Variants in DMRT1 observed in about 807,000 individuals in gnomAD.
DMRT1 encodes doublesex and mab-3 related transcription factor 1.
DMRT1 carries 7 observed loss-of-function variants against 32.3 expected under a neutral mutation model. The observed-to-expected ratio is 0.22, with a 90% confidence interval of 0.12 to 0.41. The LOEUF is 0.41. Among genes scored for constraint, DMRT1 ranks in the 10% least tolerant of loss-of-function variants. The pLI is 1.00. For missense variants in DMRT1, 625 were observed against 500.5 expected (o/e 1.25, Z -2.37); for synonymous variants, 278 against 206.1 (o/e 1.35, Z -2.99).
chr9:860,308 A>C (rs978501680), intron 2 of DMRT1, among the ~76,000 whole-genome samples: 3 of 152,230 alleles, frequency 2.0e-5, no homozygotes, highest in Admixed American at 1.3e-4. Context: ...AAAAAAATTA[A>C]ATACATAAAA....
intron 4 of DMRT1, among the ~76,000 whole-genome samples, chr9:967,405 A>G (rs1045995863): frequency 6.6e-5 from 10 of 152,038 alleles, no homozygotes; most frequent in African/African-American, 2.4e-4. Flanking sequence ...TGTTTTTACA[A>G]TTTTTCTCTC....
In DMRT1 at chr9:934,749, C is replaced by G. The variant is rs141240511; in HGVS notation, c.967+17842C>G. 9.2e-5 allele frequency among the ~76,000 whole-genome samples: 14 copies of G among 152,310 alleles called. No individual in the cohort carries two copies. The East Asian group carries it at 2.5e-3, about 27-fold the overall frequency. ...CCGGCACTATTTGTTAAACACTCTC[C>G]TTTCCTCCATTAAATGGTCTTGGTG... On this transcript the variant is annotated intron_variant, in intron 4 of 4. Coordinates refer to ENST00000382276, the MANE Select transcript of DMRT1 (RefSeq NM_021951.3).
rs376260302 is a variant in DMRT1 at position 934,941 on chromosome 9, C to T, written c.967+18034C>T. Among the ~76,000 whole-genome samples the T allele has an allele frequency of 6.6e-5, 10 of 152,254 alleles. 1 individual carries two copies. The highest frequency in any genetic ancestry group is 2.4e-4 in the African/African-American group (10 of 41,554). ...TTGATCTCTCTGGTGAATATTTTCT[C>T]GGTTATCTTACTTTTGTTTGTCTCT... On this transcript the variant is annotated intron_variant, in intron 4 of 4. Transcript: ENST00000382276.
intron 4 of DMRT1, among the ~76,000 whole-genome samples, chr9:962,547 G>A: frequency 6.6e-6 from 1 of 151,320 alleles, no homozygotes; most frequent in Non-Finnish European, 1.5e-5. Flanking sequence ...GGAGGGCTTG[G>A]GTGGGGTGGG....
intron 4 of DMRT1, among the ~76,000 whole-genome samples, chr9:919,698 G>C (rs1039041381): frequency 6.6e-6 from 1 of 152,154 alleles, no homozygotes; most frequent in African/African-American, 2.4e-5. Flanking sequence ...CCTGATGACT[G>C]TTTTCTTATA....
At chr9:963,418 CT>C (rs5895881) in intron 4 of DMRT1, among the ~76,000 whole-genome samples, 105,352 of 151,916 alleles carry the variant, frequency 0.69, 36,670 homozygotes, top group Middle Eastern at 0.76. Context: ...ACGATCATTA[CT>C]TTTTTTTTAG....
In DMRT1 at chr9:867,193, GA is replaced by G. The variant is rs909692639; in HGVS notation, c.538+20058del. On this transcript the variant is annotated intron_variant, in intron 2 of 4. Transcript: ENST00000382276. ...GAGCAGGGGGAAATTGGGTAGGACT[GA>G]AAAAAAACAAAGCATAATAAGGGTG... Among the ~76,000 whole-genome samples the G allele has an allele frequency of 5.9e-5, 9 of 151,654 alleles. No individual in the cohort carries two copies. In the South Asian group the frequency reaches 1.0e-3, roughly 18 times the overall value.
At chr9:849,250 G>A (rs192231366) in intron 2 of DMRT1, among the ~76,000 whole-genome samples, 3 of 152,304 alleles carry the variant, frequency 2.0e-5, no homozygotes, top group Admixed American at 2.0e-4. Context: ...ACTGGGACCA[G>A]TTGCCATGTT....
At chr9:844,706 T>G (rs1378276489) in intron 1 of DMRT1, among the ~76,000 whole-genome samples, 2 of 142,014 alleles carry the variant, frequency 1.4e-5, no homozygotes, top group African/African-American at 2.6e-5. Context: ...TAGTTGTTTT[T>G]CTTTCTTTCT....
rs182036801 is a variant in DMRT1, at chr9:856,643, A to T, written c.538+9500A>T. On this transcript the variant is annotated intron_variant, in intron 2 of 4. Coordinates refer to ENST00000382276, the MANE Select transcript of DMRT1 (RefSeq NM_021951.3). ...ACATTATTTTTCTGTTTATCAGCTG[A>T]TGAACATCTGGGTTACTTATGGGTT... Among the ~76,000 whole-genome samples the T allele has an allele frequency of 2.5e-3, 376 of 152,306 alleles. 1 individual carries two copies. The highest frequency in any genetic ancestry group is 8.9e-3 in the African/African-American group (368 of 41,562).
chr9:865,283 G>C (rs989360533), intron 2 of DMRT1, among the ~76,000 whole-genome samples: 5 of 152,134 alleles, frequency 3.3e-5, no homozygotes, highest in African/African-American at 1.2e-4. Flanking sequence ...GGAGTCAAAA[G>C]ACCTGGCTCA....
intron 2 of DMRT1, among the ~76,000 whole-genome samples, chr9:891,171 C>G (rs989960949): frequency 6.7e-6 from 1 of 149,042 alleles, no homozygotes; most frequent in African/African-American, 2.5e-5. Context: ...GAGACCCCAT[C>G]TCTATACAAA....
chr9:843,135 C>A lies in DMRT1; in HGVS notation c.354+943C>A, dbSNP rs371224495. ...AGCGTCCCCAGAATCTCTGACTCTC[C>A]CTCCTTGCTGAGTTGCACTTAAATT... On this transcript the variant is annotated intron_variant, in intron 1 of 4. Coordinates refer to ENST00000382276, the MANE Select transcript of DMRT1 (RefSeq NM_021951.3). Among the ~76,000 whole-genome samples the A allele has an allele frequency of 2.0e-4, 30 of 152,306 alleles. No homozygotes were observed. The East Asian group carries it at 5.8e-3, about 29-fold the overall frequency.
intron 2 of DMRT1, among the ~76,000 whole-genome samples, chr9:856,153 G>A (rs537337932): frequency 1.3e-5 from 2 of 152,176 alleles, no homozygotes; most frequent in South Asian, 4.2e-4. Flanking sequence ...CTGACCTCAA[G>A]TGATCCACCC....
At chr9:923,093 C>T (rs549837087) in intron 4 of DMRT1, among the ~76,000 whole-genome samples, 106 of 152,296 alleles carry the variant, frequency 7.0e-4, no homozygotes, top group African/African-American at 2.4e-3. Context: ...TCAGGATGAC[C>T]AGGACTGCAT....
chr9:871,006 AC>A (rs1816224184), intron 2 of DMRT1, among the ~76,000 whole-genome samples: 1 of 151,574 alleles, frequency 6.6e-6, no homozygotes, highest in African/African-American at 2.4e-5. Context: ...TTGTGCCCAT[AC>A]ATTCAAGCCT....
intron 2 of DMRT1, among the ~76,000 whole-genome samples, chr9:860,012 T>C (rs538715464): frequency 1.5e-4 from 23 of 152,266 alleles, no homozygotes; most frequent in African/African-American, 5.1e-4. Context: ...ATCTAAAATA[T>C]GGGGTAGGGC....
chr9:923,853 C>A lies in DMRT1; in HGVS notation c.967+6946C>A, dbSNP rs536048065. On this transcript the variant is annotated intron_variant, in intron 4 of 4. Coordinates refer to ENST00000382276, the MANE Select transcript of DMRT1 (RefSeq NM_021951.3). ...TTTAAACTTGACATTTTAGAAACGA[C>A]TTATTATTTGCTAAATTTCAAAGAA... Among the ~76,000 whole-genome samples, 4 of 152,234 alleles carry A rather than the reference C, an allele frequency of 2.6e-5. No individual in the cohort carries two copies. In the South Asian group the frequency reaches 8.3e-4, roughly 32 times the overall value.
intron 3 of DMRT1, among the ~76,000 whole-genome samples, chr9:910,292 C>T (rs1194612124): frequency 2.0e-5 from 3 of 149,354 alleles, no homozygotes; most frequent in Non-Finnish European, 4.4e-5. Flanking sequence ...GATATAAGTT[C>T]AAAAACAAAT....
Sources: gnomAD v4.1 joint callset for allele counts (sites outside exome capture counted in the v4.1 genomes callset) on GRCh38, gnomAD v4.1.1 for gene constraint, MANE v1.5 for transcripts, NCBI Gene and HGNC (gene_info 2026-07-23, HGNC 2026-07-21) for gene names.